EIF4G3: variants seen among roughly 807,000 people sequenced by gnomAD.
EIF4G3 encodes eukaryotic translation initiation factor 4 gamma 3, also known as eIF-4-gamma 3.
EIF4G3 carries 34 observed loss-of-function variants against 186.4 expected under a neutral mutation model. That is an observed-to-expected ratio of 0.18 (90% confidence interval 0.14 to 0.24). The LOEUF (loss-of-function observed/expected upper bound fraction) is 0.24, where lower values mean the gene tolerates loss of function less well. Among genes scored for constraint, EIF4G3 ranks in the 10% least tolerant of loss-of-function variants. The probability of loss-of-function intolerance (pLI) is 1.00; values close to 1 mark genes in which losing one functional copy is unlikely to be tolerated. For missense variants in EIF4G3, 1,536 were observed against 1,948.5 expected, an observed-to-expected ratio of 0.79 and a Z score of 3.99; for synonymous variants, 673 against 679.5, an observed-to-expected ratio of 0.99 and a Z score of 0.15.
chr1:20,879,263 T>C (rs1040826835), intron 20 of EIF4G3, 60 bp downstream of exon 20: 2 of 1,332,414 alleles, frequency 1.5e-6, no homozygotes, highest in African/African-American at 1.5e-5. Flanking sequence ...GAAGAATGTG[T>C]AGTGAGGGGA....
At chr1:20,888,849 T>C (rs1019644348) in intron 18 of EIF4G3, among the ~76,000 whole-genome samples, 3 of 152,202 alleles carry the variant, frequency 2.0e-5, no homozygotes, top group Non-Finnish European at 4.4e-5. Context: ...ATCAAATTTA[T>C]GGTATCCTTC....
chr1:21,173,049 G>A (rs1257704047), intron 2 of EIF4G3, among the ~76,000 whole-genome samples: 1 of 138,342 alleles, frequency 7.2e-6, no homozygotes, highest in East Asian at 2.3e-4. Context: ...TGAGGTAGGG[G>A]AATCGTTTGA....
At chr1:20,953,602 A>G (rs1350589294) in intron 12 of EIF4G3, among the ~76,000 whole-genome samples, 2 of 152,220 alleles carry the variant, frequency 1.3e-5, no homozygotes, top group Admixed American at 1.3e-4. Flanking sequence ...GCACAATTCA[A>G]AATTCATTTT....
chr1:21,082,161 G>C (rs1305361774), intron 3 of EIF4G3, among the ~76,000 whole-genome samples: 1 of 147,604 alleles, frequency 6.8e-6, no homozygotes, highest in Non-Finnish European at 1.5e-5. Flanking sequence ...ACGGACATTA[G>C]TGTAAAAAGC....
At chr1:20,949,892 G>A in intron 13 of EIF4G3, 111 bp downstream of exon 13, 3 of 860,614 alleles carry the variant, frequency 3.5e-6, no homozygotes, top group Non-Finnish European at 5.5e-6. Context: ...TTTAAAGGTG[G>A]GTGTCTAAAT....
At chr1:20,814,754 C>CTCCCT (rs2060030884) in intron 34 of EIF4G3, among the ~76,000 whole-genome samples, 1 of 13,630 alleles carries the variant, frequency 7.3e-5, no homozygotes, top group Non-Finnish European at 1.4e-4. Flanking sequence ...TTCATCTCCC[C>CTCCCT]CTCCCCCTCC....
At chr1:20,853,363 C>T (rs1311015201) in intron 27 of EIF4G3, among the ~76,000 whole-genome samples, 197 bp downstream of exon 27, 1 of 152,164 alleles carries the variant, frequency 6.6e-6, no homozygotes, top group African/African-American at 2.4e-5. Context: ...AATCCCTTCC[C>T]TCCCATCCCA....
At chr1:21,163,953 T>A (rs536949662) in intron 2 of EIF4G3, among the ~76,000 whole-genome samples, 9 of 151,984 alleles carry the variant, frequency 5.9e-5, no homozygotes, top group Non-Finnish European at 1.3e-4. Context: ...TGTATTTTTT[T>A]AGTAGAGACA....
intron 12 of EIF4G3, among the ~76,000 whole-genome samples, chr1:20,964,461 A>G (rs139854076): frequency 1.8e-3 from 277 of 152,334 alleles, no homozygotes; most frequent in African/African-American, 6.4e-3. Flanking sequence ...CAAAATCTCT[A>G]CTAGCTAACC....
chr1:21,107,966 AAGG>A (rs2102034353), intron 2 of EIF4G3, among the ~76,000 whole-genome samples: 1 of 152,356 alleles, frequency 6.6e-6, no homozygotes, highest in Non-Finnish European at 1.5e-5. Flanking sequence ...TGGGCAACAC[AAGG>A]AGAACTCATC....
At chr1:21,033,044 C>T (rs920008549) in intron 4 of EIF4G3, among the ~76,000 whole-genome samples, 4 of 152,154 alleles carry the variant, frequency 2.6e-5, no homozygotes, top group African/African-American at 9.7e-5. Context: ...TAACAGCTAA[C>T]ACTGCTGAAT....
At chr1:20,822,098 G>A (rs994522396) in intron 33 of EIF4G3, among the ~76,000 whole-genome samples, 1 of 151,924 alleles carries the variant, frequency 6.6e-6, no homozygotes, top group African/African-American at 2.4e-5. Flanking sequence ...GGCTGGTCTC[G>A]AACTCCTGAC....
At chr1:21,058,250 A>AGAGAAT (rs2094663175) in intron 3 of EIF4G3, among the ~76,000 whole-genome samples, 10 of 152,298 alleles carry the variant, frequency 6.6e-5, no homozygotes, top group Middle Eastern at 3.4e-3. Flanking sequence ...ACTATGGAAA[A>AGAGAAT]CGATAAGAGA....
chr1:21,058,182 C>T (rs1055244453), intron 3 of EIF4G3, among the ~76,000 whole-genome samples: 1 of 151,896 alleles, frequency 6.6e-6, no homozygotes, highest in Non-Finnish European at 1.5e-5. Flanking sequence ...AGAGAAATAC[C>T]CCCTGGAGGA....
intron 17 of EIF4G3, 125 bp downstream of exon 17, chr1:20,895,243 T>C (rs2087573238): frequency 9.1e-7 from 1 of 1,097,678 alleles, no homozygotes; most frequent in African/African-American, 1.6e-5. Flanking sequence ...TTCTTAAACA[T>C]TAGATATTTT....
intron 13 of EIF4G3, among the ~76,000 whole-genome samples, chr1:20,943,429 C>G (rs1452385652): frequency 6.6e-6 from 1 of 152,136 alleles, no homozygotes; most frequent in Non-Finnish European, 1.5e-5. Flanking sequence ...CAATAATTAA[C>G]AATAATTTCC....
intron 10 of EIF4G3, among the ~76,000 whole-genome samples, chr1:20,974,725 G>C (rs2154566004): frequency 6.6e-6 from 1 of 152,220 alleles, no homozygotes; most frequent in South Asian, 2.1e-4. Flanking sequence ...CCTATATACA[G>C]ATGACACTAA....
chr1:21,007,529 AAAAAAAAAC>A lies in EIF4G3; in HGVS notation c.-66-4730_-66-4722del, dbSNP rs1341011849. On this transcript the variant is annotated intron_variant, in intron 4 of 36. Transcript: ENST00000602326. ...GGGCCCCTCCTTAAAAAAAAAAAAA[AAAAAAAAAC>A]ACACTCAAAAACAAAAAAACTGGAA... Among the ~76,000 whole-genome samples, 54 of 136,402 alleles carry A rather than the reference AAAAAAAAAC, an allele frequency of 4.0e-4. 5 individuals carry two copies. The highest frequency in any genetic ancestry group is 1.6e-3 in the Admixed American group (22 of 13,828). 89.5% of individuals were successfully genotyped at this position (136,402 alleles called of 152,430 possible).
At chr1:21,074,716 G>A (rs1290174621) in intron 3 of EIF4G3, among the ~76,000 whole-genome samples, 1 of 152,106 alleles carries the variant, frequency 6.6e-6, no homozygotes, top group South Asian at 2.1e-4. Context: ...ACAGAATTAG[G>A]AAGATTATAA....
Sources: gnomAD v4.1 joint callset for allele counts (sites outside exome capture counted in the v4.1 genomes callset) on GRCh38, gnomAD v4.1.1 for gene constraint, MANE v1.5 for transcripts, NCBI Gene and HGNC (gene_info 2026-07-23, HGNC 2026-07-21) for gene names.